The following NELL2 variants were observed in gnomAD, a reference collection of about 807,000 sequenced individuals.
The protein encoded by NELL2 is protein kinase C-binding protein NELL2.
Under a neutral mutation model 109.6 loss-of-function variants are expected in NELL2, and 41 were observed. That is an observed-to-expected ratio of 0.37 (90% CI 0.29 to 0.49). NELL2 has a LOEUF of 0.49. NELL2 is among the 20% of genes least tolerant of loss of function. The probability of loss-of-function intolerance (pLI) is 0.98; values close to 1 mark genes in which losing one functional copy is unlikely to be tolerated. For missense variants in NELL2, 900 were observed against 1,008.3 expected, an observed-to-expected ratio of 0.89 and a Z score of 1.45; for synonymous variants, 355 against 344.7, an observed-to-expected ratio of 1.03 and a Z score of -0.33.
intron 15 of NELL2, among the ~76,000 whole-genome samples, chr12:44,544,209 A>C (rs756088236): frequency 1.4e-4 from 21 of 152,190 alleles, no homozygotes; most frequent in Non-Finnish European, 2.6e-4. Context: ...ATATAACTAT[A>C]TTAGAATTAA....
At chr12:44,880,836 C>CTTGTTGTTGTTG (rs35774965), upstream of NELL2, 1 of 150,766 alleles carries the variant, frequency 6.6e-6, no homozygotes, top group African/African-American at 2.5e-5. Context: ...TTGTTTTGTT[C>CTTGTTGTTGTTG]TTGTTGTTGT....
intron 13 of NELL2, among the ~76,000 whole-genome samples, chr12:44,616,942 C>G (rs547978132): frequency 6.6e-6 from 1 of 152,150 alleles, no homozygotes; most frequent in East Asian, 1.9e-4. Context: ...TCCACAGCAC[C>G]TCAGTACTTT....
At chr12:44,675,802 T>A (rs1437896567) in intron 12 of NELL2, among the ~76,000 whole-genome samples, 2 of 152,172 alleles carry the variant, frequency 1.3e-5, no homozygotes, top group East Asian at 3.9e-4. Context: ...TTTTGGAAGA[T>A]CCCTCTAGGA....
intron 15 of NELL2, among the ~76,000 whole-genome samples, chr12:44,579,765 G>A (rs1395039625): frequency 1.3e-5 from 2 of 152,042 alleles, no homozygotes; most frequent in Non-Finnish European, 1.5e-5. Context: ...TAGAATATGA[G>A]ACTTTAATTC....
chr12:44,627,623 T>C (rs995601624), intron 13 of NELL2, among the ~76,000 whole-genome samples: 17 of 152,140 alleles, frequency 1.1e-4, no homozygotes, highest in African/African-American at 4.1e-4. Flanking sequence ...TCACAAGTTA[T>C]AGGTAGGCTG....
chr12:44,628,983 T>C (rs1370775653), intron 13 of NELL2, among the ~76,000 whole-genome samples: 2 of 141,864 alleles, frequency 1.4e-5, no homozygotes, highest in African/African-American at 3.1e-5. Flanking sequence ...CTCTGTTCAG[T>C]GTAGAATAAC....
At chr12:44,882,537 TA>T (rs1467204379) in intron 1 of NELL2, among the ~76,000 whole-genome samples, 1 of 151,568 alleles carries the variant, frequency 6.6e-6, no homozygotes, top group Non-Finnish European at 1.5e-5. Context: ...TATATATCCT[TA>T]TTTTTTTGAG....
chr12:44,561,042 A>G (rs1337747058), intron 15 of NELL2, among the ~76,000 whole-genome samples: 1 of 152,216 alleles, frequency 6.6e-6, no homozygotes, highest in Non-Finnish European at 1.5e-5. Flanking sequence ...AAATCAATAA[A>G]CATAATCCAT....
intron 12 of NELL2, among the ~76,000 whole-genome samples, chr12:44,683,771 C>A (rs1197463879): frequency 6.6e-6 from 1 of 152,122 alleles, no homozygotes; most frequent in Non-Finnish European, 1.5e-5. Flanking sequence ...GGATGAAGCC[C>A]ACTTGATCAT....
At chr12:44,695,855 A>G (rs944643452) in intron 12 of NELL2, among the ~76,000 whole-genome samples, 1 of 152,192 alleles carries the variant, frequency 6.6e-6, no homozygotes, top group African/African-American at 2.4e-5. Context: ...ATGGTGGTGC[A>G]TGCCTGTAGG....
chr12:44,552,994 T>A (rs1420182571), intron 15 of NELL2, among the ~76,000 whole-genome samples: 1 of 151,786 alleles, frequency 6.6e-6, no homozygotes, highest in Non-Finnish European at 1.5e-5. Context: ...CTAGAAACCA[T>A]CATTCTCAGT....
At position 44,683,104 on chromosome 12, in the gene NELL2, G is replaced by T. The variant is rs563538116; in HGVS notation, c.1319-17495C>A. Among the ~76,000 whole-genome samples the T allele has an allele frequency of 1.2e-4, 18 of 152,250 alleles. No individual in the cohort carries two copies. In the South Asian group the frequency reaches 1.2e-3, roughly 11 times the overall value. Reference sequence around the variant, plus strand: ...TCCTCTTTTATTTCATTGAGTAGTGGTTTGTAGTTCTCCTTGAAGAGGTCC... The same window carrying T: ...TCCTCTTTTATTTCATTGAGTAGTGTTTTGTAGTTCTCCTTGAAGAGGTCC... On this transcript the variant is annotated intron_variant, in intron 12 of 19. Coordinates refer to ENST00000429094, the MANE Select transcript of NELL2 (RefSeq NM_001145108.2).
chr12:44,773,945 A>G (rs956923646), intron 9 of NELL2, among the ~76,000 whole-genome samples: 1 of 152,062 alleles, frequency 6.6e-6, no homozygotes, highest in African/African-American at 2.4e-5. Context: ...TGTCTTTTTG[A>G]GAGTATACAT....
intron 2 of NELL2, among the ~76,000 whole-genome samples, chr12:44,859,946 G>A (rs916912788): frequency 1.3e-5 from 2 of 152,136 alleles, no homozygotes; most frequent in African/African-American, 2.4e-5. Context: ...CACACTTGCT[G>A]GGTGCCAAAT....
chr12:44,818,520 C>T (rs532247094), intron 2 of NELL2, among the ~76,000 whole-genome samples: 3 of 152,000 alleles, frequency 2.0e-5, no homozygotes, highest in Non-Finnish European at 4.4e-5. Context: ...AGATAGAGCT[C>T]TTACAGCAAG....
At chr12:44,659,090 A>C (rs961993671) in intron 13 of NELL2, among the ~76,000 whole-genome samples, 6 of 152,160 alleles carry the variant, frequency 3.9e-5, no homozygotes, top group Non-Finnish European at 7.3e-5. Context: ...GACAAAAACA[A>C]GCAATGGGGA....
At position 44,680,421 on chromosome 12, in the gene NELL2, A is replaced by T. The variant is rs946440795; in HGVS notation, c.1319-14812T>A. 2.6e-5 allele frequency among the ~76,000 whole-genome samples: 4 copies of T among 152,190 alleles called. No individual in the cohort carries two copies. The East Asian group carries it at 7.7e-4, about 29-fold the overall frequency. On this transcript the variant is annotated intron_variant, in intron 12 of 19. Coordinates refer to ENST00000429094, the MANE Select transcript of NELL2 (RefSeq NM_001145108.2). ...CTCTTGAAGATATGAACAATTTTTT[A>T]AAAATCTATTTGGGAATACATTCTT...
intron 12 of NELL2, among the ~76,000 whole-genome samples, chr12:44,699,485 A>T (rs1949161105): frequency 6.6e-5 from 10 of 152,160 alleles, no homozygotes; most frequent in Admixed American, 6.5e-4. Flanking sequence ...AGGGTACAGA[A>T]GTTAAATGAG....
chr12:44,727,786 T>C (rs1197877051), intron 9 of NELL2, among the ~76,000 whole-genome samples: 1 of 152,098 alleles, frequency 6.6e-6, no homozygotes, highest in Non-Finnish European at 1.5e-5. Flanking sequence ...AAACACATTA[T>C]ATTAACTCTG....
Sources: gnomAD v4.1 joint callset for allele counts (sites outside exome capture counted in the v4.1 genomes callset) on GRCh38, gnomAD v4.1.1 for gene constraint, MANE v1.5 for transcripts, NCBI Gene and HGNC (gene_info 2026-07-23, HGNC 2026-07-21) for gene names.